GOLGA1: variants seen among roughly 807,000 people sequenced by gnomAD.
GOLGA1 encodes golgin subfamily A member 1.
A neutral mutation model predicts 119.7 loss-of-function variants in GOLGA1; 63 were observed. That is an observed-to-expected ratio of 0.53 (90% confidence interval 0.43 to 0.65). The LOEUF (loss-of-function observed/expected upper bound fraction) is 0.65. GOLGA1 is among the 30% of genes least tolerant of loss of function. GOLGA1 has a pLI of 0.00. For missense variants in GOLGA1, 798 were observed against 912.8 expected (o/e 0.87, Z 1.62); for synonymous variants, 318 against 333.4 (o/e 0.95, Z 0.50).
chr9:124,904,460 T>C (rs1023428183), intron 12 of GOLGA1, among the ~76,000 whole-genome samples: 21 of 152,222 alleles, frequency 1.4e-4, no homozygotes, highest in African/African-American at 5.1e-4. Flanking sequence ...GTTTAAAATG[T>C]ATTTATCAGG....
intron 15 of GOLGA1, among the ~76,000 whole-genome samples, chr9:124,891,691 C>G (rs886742439): frequency 8.5e-5 from 13 of 152,190 alleles, no homozygotes; most frequent in African/African-American, 3.1e-4. Flanking sequence ...GTTTCCCAGG[C>G]TGGAGTGCAA....
rs745386276 is a variant in GOLGA1 at position 124,888,280 on chromosome 9, C to T, written c.1878G>A (p.Leu626=). The stretch of plus-strand genomic sequence containing the variant: ...TATTTTTCTCCAGAAGTTGCTGCTC[C>T]AAGTCCTGTTTCTCCTTCTGTAGCT... ...LTQLQKEKQD[L]EQQLLEKNKT... is the part of the protein sequence containing the mutation. The change falls in exon 19 of 23, where the codon TTG becomes TTA. Residue 626 remains leucine (L), a synonymous_variant. Coordinates refer to ENST00000373555, the MANE Select transcript of GOLGA1 (RefSeq NM_002077.4). This position sits in a 1 kb window ranked among gnomAD's most constrained non-coding sequence, Gnocchi z 4.4. 2 of 1,614,118 alleles carry T rather than the reference C, an allele frequency of 1.2e-6. No individual in the cohort carries two copies. Among genetic ancestry groups the T allele is most frequent in the Non-Finnish European group, 1.7e-6 (2 of 1,179,976 alleles).
chr9:124,879,831 C>T lies in GOLGA1; in HGVS notation c.*699G>A, dbSNP rs781362703. 2.6e-5 allele frequency: 4 copies of T among 152,542 alleles called. No individual in the cohort carries two copies. Among genetic ancestry groups the T allele is most frequent in the Non-Finnish European group, 1.5e-5 (1 of 68,040 alleles). The allele number at this position is 152,542 out of a possible 1,614,324, so 9.4% of individuals were successfully genotyped here. A position where few individuals can be genotyped will look rare whatever the true frequency, so the allele number is the denominator to read the frequency against. On this transcript the variant is annotated 3_prime_UTR_variant, in exon 23 of 23. Coordinates refer to ENST00000373555, the MANE Select transcript of GOLGA1 (RefSeq NM_002077.4). ...ACCAGCAACCTATCCAAGACAAGTA[C>T]ATTCATTAAAAAGGCAATTGAGTGT...
Position 124,879,752 on chromosome 9 carries a change from AC to A in GOLGA1, c.*777del, listed in dbSNP as rs1829530103. The A allele has an allele frequency of 7.6e-6, 1 of 131,140 alleles. No homozygotes were observed. Among genetic ancestry groups the A allele is most frequent in the Non-Finnish European group, 1.7e-5 (1 of 60,108 alleles). 8.1% of individuals were successfully genotyped at this position (131,140 alleles called of 1,614,324 possible). A position where few individuals can be genotyped will look rare whatever the true frequency, so the allele number is the denominator to read the frequency against. On this transcript the variant is annotated 3_prime_UTR_variant, in exon 23 of 23. Coordinates refer to ENST00000373555, the MANE Select transcript of GOLGA1 (RefSeq NM_002077.4). ...TTAAATGGATTTTATAGTACAGAAG[AC>A]ATGTTTATAGTAGTGAAGAACTTCA...
At chr9:124,889,058 T>G in intron 18 of GOLGA1, 85 bp downstream of exon 18, 1 of 1,055,586 alleles carries the variant, frequency 9.5e-7, no homozygotes. Flanking sequence ...CCACCATGTG[T>G]CCCCACTGCT....
At chr9:124,904,689 C>T (rs1251507902) in intron 12 of GOLGA1, among the ~76,000 whole-genome samples, 2 of 152,080 alleles carry the variant, frequency 1.3e-5, no homozygotes, top group East Asian at 3.9e-4. Flanking sequence ...CGCCTGTAAT[C>T]CTACCACTTT....
At chr9:124,907,899 GTACT>G (rs1021935585) in intron 12 of GOLGA1, among the ~76,000 whole-genome samples, 1 of 152,186 alleles carries the variant, frequency 6.6e-6, no homozygotes, top group African/African-American at 2.4e-5. Flanking sequence ...TTCTCCTATA[GTACT>G]TAGTCTCTTT....
intron 7 of GOLGA1, among the ~76,000 whole-genome samples, chr9:124,924,861 C>T (rs367840389): frequency 2.0e-5 from 3 of 151,156 alleles, no homozygotes; most frequent in South Asian, 2.1e-4. Context: ...AGACAGATCA[C>T]GAGGTCAGGA....
At chr9:124,890,291 G>A in intron 16 of GOLGA1, 98 bp downstream of exon 16, 2 of 838,128 alleles carry the variant, frequency 2.4e-6, no homozygotes, top group Admixed American at 1.9e-5. Context: ...ACCCTACCCT[G>A]GAGAGACAGG....
intron 4 of GOLGA1, 116 bp downstream of exon 4, chr9:124,931,200 G>T: frequency 1.6e-6 from 1 of 642,500 alleles, no homozygotes; most frequent in Non-Finnish European, 2.9e-6. Context: ...TTTCTAAAAA[G>T]ATCAAAATGA....
At chr9:124,941,998 G>A (rs546843226), upstream of GOLGA1, among the ~76,000 whole-genome samples, 87 of 152,174 alleles carry the variant, frequency 5.7e-4, 1 homozygote, top group Non-Finnish European at 1.1e-3. Context: ...AGTCCAGGCC[G>A]GGCGCGGTGG....
chr9:124,926,161 T>C (rs1480865166), intron 7 of GOLGA1, among the ~76,000 whole-genome samples: 1 of 152,134 alleles, frequency 6.6e-6, no homozygotes, highest in Non-Finnish European at 1.5e-5. Flanking sequence ...ATGGGTAAGA[T>C]AGCCCAAAAG....
At chr9:124,943,313 C>G (rs1031794711), upstream of GOLGA1, 2 of 152,154 alleles carry the variant, frequency 1.3e-5, no homozygotes, top group African/African-American at 4.8e-5. Flanking sequence ...GCTAACGGGG[C>G]TGAGTTGATG....
intron 15 of GOLGA1, among the ~76,000 whole-genome samples, chr9:124,897,719 G>GA (rs1004930252): frequency 2.0e-5 from 3 of 150,474 alleles, no homozygotes; most frequent in South Asian, 4.2e-4. Flanking sequence ...AGGAATGCAT[G>GA]AAAAAAAAAT....
At position 124,899,344 on chromosome 9, in the gene GOLGA1, G is replaced by A. The variant is rs1015364615; in HGVS notation, c.1296C>T (p.Thr432=). The A allele has an allele frequency of 1.3e-5, 20 of 1,548,936 alleles. No individual in the cohort carries two copies. Among genetic ancestry groups the A allele is most frequent in the African/African-American group, 2.7e-5 (2 of 73,024 alleles). The change falls in exon 14 of 23, where the codon ACC becomes ACT. Residue 432 remains threonine, a synonymous_variant. Transcript: ENST00000373555. ...CTTCACTCACCATCCCTTGCTCTGC[G>A]GTGGTCTGGTCAGCTGCCCGCGTTC... ...LERTRAADQT[T]AEQGMRQLEQ...
At chr9:124,930,415 T>C (rs988571514) in intron 4 of GOLGA1, among the ~76,000 whole-genome samples, 4 of 152,186 alleles carry the variant, frequency 2.6e-5, no homozygotes, top group African/African-American at 9.7e-5. Flanking sequence ...CACTTACTAC[T>C]TGTGAGGCCT....
At position 124,928,288 on chromosome 9, in the gene GOLGA1, G is replaced by A; in HGVS notation, c.302-3C>T. ...CTCTTGAAATTTCCGCATGGAAGCTGTTAACAAAGAGGCTCTATTTGAGAT... is the reference window on the plus strand; with the variant it reads ...CTCTTGAAATTTCCGCATGGAAGCTATTAACAAAGAGGCTCTATTTGAGAT... On this transcript the variant is annotated splice_region_variant and splice_polypyrimidine_tract_variant and intron_variant, in intron 5 of 22. Coordinates refer to ENST00000373555, the MANE Select transcript of GOLGA1 (RefSeq NM_002077.4). 1 of 1,545,162 alleles carries A rather than the reference G, an allele frequency of 6.5e-7. No homozygotes were observed. Among genetic ancestry groups the A allele is most frequent in the Non-Finnish European group, 8.9e-7 (1 of 1,119,118 alleles).
chr9:124,946,327 G>A lies in GOLGA1; in HGVS notation c.-156+1591C>T, dbSNP rs1252807755. 1.3e-5 allele frequency: 2 copies of A among 152,124 alleles called. No homozygotes were observed. Among genetic ancestry groups the A allele is most frequent in the African/African-American group, 4.8e-5 (2 of 41,420 alleles). 9.4% of individuals were successfully genotyped at this position (152,124 alleles called of 1,614,324 possible). A position where few individuals can be genotyped will look rare whatever the true frequency, so the allele number is the denominator to read the frequency against. The stretch of plus-strand genomic sequence containing the variant: ...CTGAATTTAATACTATAATTGAAAA[G>A]TCTTATGAATAGTTGGCTGTTTTAT... On this transcript the variant is annotated intron_variant, in intron 1 of 4. Transcript: ENST00000421514. The surrounding 1 kb of genome is among the most constrained non-coding windows in gnomAD (Gnocchi z 4.0).
chr9:124,924,729 A>C (rs547296834), intron 7 of GOLGA1, among the ~76,000 whole-genome samples: 193 of 152,012 alleles, frequency 1.3e-3, no homozygotes, highest in Middle Eastern at 6.8e-3. Flanking sequence ...AAAAAAAAAA[A>C]AAACTTTAAC....
Sources: gnomAD v4.1 joint callset for allele counts (sites outside exome capture counted in the v4.1 genomes callset) on GRCh38, gnomAD v4.1.1 for gene constraint, Gnocchi (gnomAD v3.1) non-coding constraint, MANE v1.5 for transcripts, NCBI Gene and HGNC (gene_info 2026-07-23, HGNC 2026-07-21) for gene names.